TMCC3: variants seen among roughly 807,000 people sequenced by gnomAD.
TMCC3 encodes the protein transmembrane and coiled-coil domain protein 3.
In TMCC3, 28 loss-of-function variants were observed where a neutral mutation model predicts 40.2. The observed-to-expected ratio is 0.70, with a 90% CI of 0.52 to 0.95. The LOEUF (loss-of-function observed/expected upper bound fraction) is 0.95. Among genes scored for constraint, TMCC3 ranks in the 40% least tolerant of loss-of-function variants. TMCC3 has a pLI of 0.00. For synonymous variants in TMCC3, 255 were observed against 248.5 expected, an observed-to-expected ratio of 1.03 and a Z score of -0.25; for missense variants, 554 against 615.2, an observed-to-expected ratio of 0.90 and a Z score of 1.05.
intron 1 of TMCC3, among the ~76,000 whole-genome samples, chr12:94,628,160 C>T (rs552273880): frequency 5.9e-5 from 9 of 152,270 alleles, no homozygotes; most frequent in South Asian, 2.1e-4. Flanking sequence ...GAAAGGTGCC[C>T]GAGTGACTCC....
intron 1 of TMCC3, among the ~76,000 whole-genome samples, chr12:94,642,049 G>A (rs1009470057): frequency 4.6e-5 from 7 of 151,916 alleles, no homozygotes; most frequent in Admixed American, 2.0e-4. Flanking sequence ...GCCTAACATC[G>A]TGTCATTCAA....
intron 1 of TMCC3, among the ~76,000 whole-genome samples, chr12:94,640,204 A>C (rs1051979740): frequency 1.3e-5 from 2 of 152,200 alleles, no homozygotes; most frequent in Non-Finnish European, 2.9e-5. Flanking sequence ...GGGTCTCGCC[A>C]TCACCCAGGT....
rs142996271 is a variant in TMCC3, at chr12:94,586,521, C to T, written c.79-3983G>A. 8.1e-3 allele frequency among the ~76,000 whole-genome samples: 1,236 copies of T among 152,342 alleles called. 13 individuals are homozygous for T. Among genetic ancestry groups the T allele is most frequent in the Non-Finnish European group, 0.011 (718 of 68,036 alleles). On this transcript the variant is annotated intron_variant, in intron 1 of 3. Transcript: ENST00000261226. ...AACTTGGTTTTGCCCTCCTGGAGCTCACAGATAAGACGAGATGAAGTTATT... is the reference window on the plus strand; with the variant it reads ...AACTTGGTTTTGCCCTCCTGGAGCTTACAGATAAGACGAGATGAAGTTATT...
rs2068522223 is a variant in TMCC3 at position 94,570,765 on chromosome 12, T to C, written c.*670A>G. The stretch of plus-strand genomic sequence containing the variant: ...AAATCAGGTGTTGGTTGCCTGGGTA[T>C]GAGAAGGTGAAAGCCCCATTCATAA... On this transcript the variant is annotated 3_prime_UTR_variant, in exon 4 of 4. Coordinates refer to ENST00000261226, the MANE Select transcript of TMCC3 (RefSeq NM_020698.4). 1 of 152,732 alleles carries C rather than the reference T, an allele frequency of 6.5e-6. No homozygotes were observed. The highest frequency in any genetic ancestry group is 1.5e-5 in the Non-Finnish European group (1 of 68,110). The allele number at this position is 152,732 out of a possible 1,614,324, so 9.5% of individuals were successfully genotyped here. A position where few individuals can be genotyped will look rare whatever the true frequency, so the allele number is the denominator to read the frequency against.
At chr12:94,625,094 A>G in intron 1 of TMCC3, among the ~76,000 whole-genome samples, 1 of 148,492 alleles carries the variant, frequency 6.7e-6, no homozygotes. Flanking sequence ...GTGAGCCGAG[A>G]TTGCACCATT....
rs576477331 is a variant in TMCC3, at chr12:94,578,338, T to C, written c.1131+56A>G. 1.9e-6 allele frequency: 3 copies of C among 1,570,394 alleles called. No homozygotes were observed. The African/African-American group carries it at 4.1e-5, about 21-fold the overall frequency. ...AGGCATAAACATTTAGACTGTTAAA[T>C]GAATTAAGGCTCGGGAAGAGCCCAG... On this transcript the variant is annotated intron_variant, in intron 3 of 3. Coordinates refer to ENST00000261226, the MANE Select transcript of TMCC3 (RefSeq NM_020698.4).
intron 1 of TMCC3, among the ~76,000 whole-genome samples, chr12:94,611,490 T>A (rs183658038): frequency 3.9e-4 from 59 of 152,234 alleles, no homozygotes; most frequent in Non-Finnish European, 6.5e-4. Context: ...ATGTTTTCCA[T>A]AAAGACTCTT....
At chr12:94,641,794 T>A (rs1207408054) in intron 1 of TMCC3, among the ~76,000 whole-genome samples, 1 of 152,138 alleles carries the variant, frequency 6.6e-6, no homozygotes, top group African/African-American at 2.4e-5. Flanking sequence ...GGCTTATGCA[T>A]CTGGCATACT....
At chr12:94,618,456 T>C (rs536858512) in intron 1 of TMCC3, among the ~76,000 whole-genome samples, 1 of 152,340 alleles carries the variant, frequency 6.6e-6, no homozygotes, top group East Asian at 1.9e-4. Context: ...AAGTTTCTAA[T>C]ACAGAATGAT....
rs1290375428 is a variant in TMCC3, at chr12:94,582,309, G to A, written c.308C>T (p.Ala103Val). 3 of 1,613,754 alleles carry A rather than the reference G, an allele frequency of 1.9e-6. No homozygotes were observed. The highest frequency in any genetic ancestry group is 1.3e-5 in the African/African-American group (1 of 74,794). Residue 103 changes from alanine to valine, a missense_variant, in exon 2 of 4, where the codon GCA (alanine) becomes GTA (valine). Physicochemically the swap from Ala to Val is moderately conservative, Grantham distance 64 (BLOSUM62 0). Transcript: ENST00000261226. ...GATACGTCCCGCCTGCTGCTTGTCT[G>A]CGTTGTTCACTAGTTTCAGATACTC... ...VAEYLKLVNN[A>V]DKQQAGRIKQ...
chr12:94,593,400 AGAAGAAGAAG>A (rs2068693198), intron 1 of TMCC3, among the ~76,000 whole-genome samples: 1 of 30,220 alleles, frequency 3.3e-5, no homozygotes, highest in Non-Finnish European at 7.3e-5. Flanking sequence ...GAAAGAAGAA[AGAAGAAGAAG>A]GAAGAAGAAG....
rs1196813297 is a variant in TMCC3 at position 94,568,256 on chromosome 12, C to A, written c.*3179G>T. On this transcript the variant is annotated 3_prime_UTR_variant, in exon 4 of 4. Coordinates refer to ENST00000261226, the MANE Select transcript of TMCC3 (RefSeq NM_020698.4). ...TTTTTTGCTGTTTCATTATGGATTT[C>A]CATTTTTTTTTTTTTTTTTTGGCAG... The A allele has an allele frequency of 2.0e-5, 3 of 149,744 alleles. No homozygotes were observed. Among genetic ancestry groups the A allele is most frequent in the African/African-American group, 7.4e-5 (3 of 40,508 alleles). 9.3% of individuals were successfully genotyped at this position (149,744 alleles called of 1,614,324 possible).
chr12:94,623,385 A>G lies in TMCC3; in HGVS notation c.78+26968T>C, dbSNP rs1351375705. On this transcript the variant is annotated intron_variant, in intron 1 of 3. Coordinates refer to ENST00000261226, the MANE Select transcript of TMCC3 (RefSeq NM_020698.4). ...CAATGCCACCTCTGTTTGGCAGATGAGGGACCAAGGCTCAGAAAGCTTAAG... is the reference window on the plus strand; with the variant it reads ...CAATGCCACCTCTGTTTGGCAGATGGGGGACCAAGGCTCAGAAAGCTTAAG... Among the ~76,000 whole-genome samples, 6 of 152,192 alleles carry G rather than the reference A, an allele frequency of 3.9e-5. No individual in the cohort carries two copies. In the East Asian group the frequency reaches 1.2e-3, roughly 29 times the overall value.
chr12:94,607,016 A>C (rs1386710287), intron 1 of TMCC3, among the ~76,000 whole-genome samples: 1 of 152,122 alleles, frequency 6.6e-6, no homozygotes, highest in African/African-American at 2.4e-5. Flanking sequence ...TCCTTATCTA[A>C]ATTGCATAAG....
rs762511692 is a variant in TMCC3 at position 94,581,901 on chromosome 12, T to A, written c.716A>T (p.Tyr239Phe). The change falls in exon 2 of 4, where the codon TAC (tyrosine) becomes TTC (phenylalanine). Residue 239 changes from tyrosine (Y) to phenylalanine (F), a missense_variant. Coordinates refer to ENST00000261226, the MANE Select transcript of TMCC3 (RefSeq NM_020698.4). ...GTTCACGATGGTAGCGCTGCCCCCG[T>A]AGGCCCTGGCACTCGCCTCTGGCCT... ...EFRPEASARAYGGSATIVNKP... is the reference protein window; with the variant it reads ...EFRPEASARAFGGSATIVNKP... 1 of 1,614,256 alleles carries A rather than the reference T, an allele frequency of 6.2e-7. No homozygotes were observed. Among genetic ancestry groups the A allele is most frequent in the African/African-American group, 1.3e-5 (1 of 75,066 alleles).
intron 1 of TMCC3, among the ~76,000 whole-genome samples, chr12:94,649,085 T>A (rs2069037361): frequency 2.0e-5 from 3 of 152,188 alleles, no homozygotes; most frequent in African/African-American, 7.2e-5. Context: ...ACAAGAGAAT[T>A]GTAAGATTGA....
rs149413079 is a variant in TMCC3, at chr12:94,571,571, G to C, written c.1298C>G (p.Ala433Gly). The change falls in exon 4 of 4, where the codon GCG becomes GGG. Residue 433 changes from alanine (A) to glycine (G), a missense_variant. Transcript: ENST00000261226. ...TVILVCVSTI[A>G]KFVSPMMKSR... ...CTTCATCATGGGTGAGACGAACTTCGCGATGGTGGACACACACACTAAGAT... is the reference window on the plus strand; with the variant it reads ...CTTCATCATGGGTGAGACGAACTTCCCGATGGTGGACACACACACTAAGAT... 3.1e-6 allele frequency: 5 copies of C among 1,614,136 alleles called. No individual in the cohort carries two copies. The highest frequency in any genetic ancestry group is 4.2e-6 in the Non-Finnish European group (5 of 1,180,030).
At chr12:94,625,593 C>CAAAAAA (rs540684724) in intron 1 of TMCC3, among the ~76,000 whole-genome samples, 3 of 105,062 alleles carry the variant, frequency 2.9e-5, no homozygotes, top group African/African-American at 3.8e-5. Context: ...GACTCCATCT[C>CAAAAAA]AAAAAAAAAA....
At chr12:94,574,783 T>C (rs549034152) in intron 3 of TMCC3, among the ~76,000 whole-genome samples, 65 of 152,358 alleles carry the variant, frequency 4.3e-4, no homozygotes, top group African/African-American at 1.5e-3. Context: ...GTTTCCTCTA[T>C]TTTAGGCATA....
Sources: gnomAD v4.1 joint callset for allele counts (sites outside exome capture counted in the v4.1 genomes callset) on GRCh38, gnomAD v4.1.1 for gene constraint, MANE v1.5 for transcripts, NCBI Gene and HGNC (gene_info 2026-07-23, HGNC 2026-07-21) for gene names.